The following KPNA1 variants were observed in gnomAD, a reference collection of about 807,000 sequenced individuals.
The protein encoded by KPNA1 is importin subunit alpha-5.
In KPNA1, 10 loss-of-function variants were observed where a neutral mutation model predicts 70.5. The observed-to-expected ratio is 0.14, with a 90% confidence interval of 0.09 to 0.24. KPNA1 has a LOEUF of 0.24. Among genes scored for constraint, KPNA1 ranks in the 10% least tolerant of loss-of-function variants. The pLI is 1.00. For missense variants in KPNA1, 397 were observed against 637.9 expected (o/e 0.62, Z 4.07); for synonymous variants, 192 against 221.9 (o/e 0.87, Z 1.20).
chr3:122,511,355 G>A (rs1472545365), intron 1 of KPNA1, among the ~76,000 whole-genome samples: 1 of 152,034 alleles, frequency 6.6e-6, no homozygotes, highest in Non-Finnish European at 1.5e-5. Flanking sequence ...TGTATATGAA[G>A]GGCAGCATTA....
intron 9 of KPNA1, among the ~76,000 whole-genome samples, chr3:122,448,155 T>C (rs1416541139): frequency 6.6e-6 from 1 of 152,104 alleles, no homozygotes; most frequent in Non-Finnish European, 1.5e-5. Context: ...TTGGTGAGAG[T>C]GTAAATTAGT....
chr3:122,491,067 AAAAT>A (rs1336017118), intron 2 of KPNA1, among the ~76,000 whole-genome samples: 1 of 152,242 alleles, frequency 6.6e-6, no homozygotes, highest in Admixed American at 6.5e-5. Context: ...AAGGTATACT[AAAAT>A]AATTCTTCTC....
chr3:122,470,268 T>G (rs1164194756), intron 2 of KPNA1, among the ~76,000 whole-genome samples: 2 of 152,138 alleles, frequency 1.3e-5, no homozygotes, highest in Non-Finnish European at 2.9e-5. Context: ...CTCCCAGCCC[T>G]TTGGGAGGAG....
rs1282539353 is a variant in KPNA1 at position 122,425,128 on chromosome 3, A to G, written c.*1857T>C. On this transcript the variant is annotated 3_prime_UTR_variant, in exon 14 of 14. Coordinates refer to ENST00000344337, the MANE Select transcript of KPNA1 (RefSeq NM_002264.4). ...ACGGTATCCATCCCAGAGCACAGAC[A>G]CTACTACAGACTAGATGCGAAGAAT... is the stretch of plus-strand genomic sequence containing the variant. The G allele has an allele frequency of 1.3e-5, 2 of 152,544 alleles. No individual in the cohort carries two copies. Among genetic ancestry groups the G allele is most frequent in the African/African-American group, 4.8e-5 (2 of 41,478 alleles). 9.4% of individuals were successfully genotyped at this position (152,544 alleles called of 1,614,324 possible).
intron 1 of KPNA1, among the ~76,000 whole-genome samples, chr3:122,499,723 T>C (rs988173218): frequency 5.6e-4 from 84 of 151,024 alleles, no homozygotes; most frequent in Non-Finnish European, 9.9e-4. Flanking sequence ...CACACCACTG[T>C]ACTCCAGCCT....
At chr3:122,449,486 G>T in intron 9 of KPNA1, 88 bp downstream of exon 9, 1 of 1,040,776 alleles carries the variant, frequency 9.6e-7, no homozygotes, top group Non-Finnish European at 1.4e-6. Context: ...CAATTATCAT[G>T]TACAATCCAT....
intron 9 of KPNA1, among the ~76,000 whole-genome samples, chr3:122,444,495 T>C (rs959881632): frequency 4.6e-5 from 7 of 152,192 alleles, no homozygotes; most frequent in Non-Finnish European, 2.9e-5. Flanking sequence ...TAAGAAATTA[T>C]AAAAGTATTA....
chr3:122,436,077 G>A (rs1172951861), intron 11 of KPNA1, among the ~76,000 whole-genome samples: 1 of 152,198 alleles, frequency 6.6e-6, no homozygotes, highest in Non-Finnish European at 1.5e-5. Context: ...GAAAGAGAAT[G>A]CGTTCCTAGG....
chr3:122,469,004 G>A (rs886396887), intron 2 of KPNA1, among the ~76,000 whole-genome samples: 6 of 152,146 alleles, frequency 3.9e-5, no homozygotes, highest in African/African-American at 1.4e-4. Context: ...ATCAGGAGGA[G>A]AGGAAAGAAC....
At chr3:122,457,742 C>A in intron 5 of KPNA1, 1 of 1,288,582 alleles carries the variant, frequency 7.8e-7, no homozygotes, top group Non-Finnish European at 1.0e-6. Context: ...TCAAGTTTCC[C>A]ACTCCAGGTT....
intron 2 of KPNA1, 73 bp downstream of exon 2, chr3:122,496,364 A>C (rs2107498589): frequency 7.7e-7 from 1 of 1,297,978 alleles, no homozygotes; most frequent in South Asian, 1.2e-5. Flanking sequence ...ACTTTGCTAA[A>C]ATGAAGATAG....
rs546532538 is a variant in KPNA1 at position 122,459,619 on chromosome 3, A to T, written c.432+1605T>A. The T allele has an allele frequency of 4.1e-6, 4 of 985,356 alleles. No homozygotes were observed. In the African/African-American group the frequency reaches 7.0e-5, roughly 17 times the overall value. 61.0% of individuals were successfully genotyped at this position (985,356 alleles called of 1,614,324 possible). A position where few individuals can be genotyped will look rare whatever the true frequency, so the allele number is the denominator to read the frequency against. On this transcript the variant is annotated intron_variant, in intron 5 of 13. Transcript: ENST00000344337. ...CCTTGCTCTCAGGGTGAACGTGATT[A>T]TTTTTCAGGTGTCTGATGATCCTGG...
At chr3:122,435,180 A>C (rs1353922754) in intron 11 of KPNA1, among the ~76,000 whole-genome samples, 2 of 152,174 alleles carry the variant, frequency 1.3e-5, no homozygotes, top group Non-Finnish European at 2.9e-5. Context: ...GGATGCTTCA[A>C]TACACACACA....
chr3:122,484,983 G>A (rs895299759), intron 2 of KPNA1, among the ~76,000 whole-genome samples: 55 of 152,122 alleles, frequency 3.6e-4, no homozygotes, highest in Non-Finnish European at 7.2e-4. Context: ...TTGCTGCCTC[G>A]AATTTCTGGG....
intron 2 of KPNA1, among the ~76,000 whole-genome samples, chr3:122,476,817 T>C (rs1219470528): frequency 1.5e-4 from 19 of 127,436 alleles, no homozygotes; most frequent in African/African-American, 5.2e-4. Flanking sequence ...CTGGTGGGAA[T>C]GTAATTTATT....
chr3:122,441,337 G>T (rs936194006), intron 10 of KPNA1, among the ~76,000 whole-genome samples: 1 of 152,064 alleles, frequency 6.6e-6, no homozygotes, highest in Non-Finnish European at 1.5e-5. Flanking sequence ...TTAGAAAGTA[G>T]GAGGGAAGAA....
intron 10 of KPNA1, among the ~76,000 whole-genome samples, chr3:122,441,696 G>A (rs1040684160): frequency 6.6e-6 from 1 of 151,936 alleles, no homozygotes; most frequent in Non-Finnish European, 1.5e-5. Context: ...TACCTCCTGG[G>A]TTCAAGCGAT....
intron 12 of KPNA1, among the ~76,000 whole-genome samples, chr3:122,429,446 C>CA (rs57991855): frequency 0.27 from 15,951 of 58,394 alleles, 3,261 homozygotes; most frequent in African/African-American, 0.35. Flanking sequence ...AACTCTGTCT[C>CA]AAAAAAAAAA....
intron 2 of KPNA1, among the ~76,000 whole-genome samples, chr3:122,469,228 G>C (rs2076414903): frequency 1.3e-5 from 2 of 151,980 alleles, no homozygotes; most frequent in Non-Finnish European, 2.9e-5. Context: ...GTTTTGCCTA[G>C]GCCTTTCCTG....
Sources: gnomAD v4.1 joint callset for allele counts (sites outside exome capture counted in the v4.1 genomes callset) on GRCh38, gnomAD v4.1.1 for gene constraint, MANE v1.5 for transcripts, NCBI Gene and HGNC (gene_info 2026-07-23, HGNC 2026-07-21) for gene names.